Variants in SND1 observed in about 807,000 individuals in gnomAD.
SND1 encodes the protein staphylococcal nuclease domain-containing protein 1.
Under a neutral mutation model 121.7 loss-of-function variants are expected in SND1, and 38 were observed. The ratio of observed to expected loss-of-function variants is 0.31; its 90% CI spans 0.24 to 0.41. The LOEUF (loss-of-function observed/expected upper bound fraction) is 0.41, where lower values mean the gene tolerates loss of function less well. Ranked by LOEUF, SND1 falls within the 10% of genes least tolerant of loss-of-function variation. The pLI is 1.00. For missense variants in SND1, 868 were observed against 1,184.6 expected (o/e 0.73, Z 3.92); for synonymous variants, 401 against 447.4 (o/e 0.90, Z 1.31).
intron 10 of SND1, among the ~76,000 whole-genome samples, chr7:127,772,878 T>G (rs1797540709): frequency 6.6e-6 from 1 of 152,234 alleles, no homozygotes; most frequent in African/African-American, 2.4e-5. Flanking sequence ...TCTTCCTTTT[T>G]GATATAATAG....
chr7:127,690,422 A>C (rs1370782054), intron 2 of SND1, among the ~76,000 whole-genome samples: 2 of 152,174 alleles, frequency 1.3e-5, no homozygotes, highest in Admixed American at 1.3e-4. Flanking sequence ...CCCCTCCATC[A>C]GTAGTTCCTT....
chr7:128,030,617 A>C, intron 16 of SND1: 6 of 1,569,390 alleles, frequency 3.8e-6, no homozygotes, highest in African/African-American at 1.3e-5. Context: ...GGTGGTGCAC[A>C]GTTACCTGCC....
At chr7:127,785,444 T>C (rs1584570977) in intron 10 of SND1, among the ~76,000 whole-genome samples, 1 of 152,206 alleles carries the variant, frequency 6.6e-6, no homozygotes, top group Non-Finnish European at 1.5e-5. Context: ...AAAAATCTTA[T>C]ATGAGTTTAT....
At chr7:127,806,848 A>G (rs1432243225) in intron 10 of SND1, among the ~76,000 whole-genome samples, 1 of 152,162 alleles carries the variant, frequency 6.6e-6, no homozygotes, top group Non-Finnish European at 1.5e-5. Flanking sequence ...AATCCCAGCT[A>G]CTGTGGAGGC....
intron 21 of SND1, among the ~76,000 whole-genome samples, chr7:128,088,363 C>T (rs1185510668): frequency 1.3e-5 from 2 of 148,812 alleles, no homozygotes; most frequent in Admixed American, 6.7e-5. Flanking sequence ...CAGGAGACTG[C>T]GGTGAGAGGA....
At chr7:127,944,905 A>G (rs1279957426) in intron 15 of SND1, among the ~76,000 whole-genome samples, 2 of 152,228 alleles carry the variant, frequency 1.3e-5, no homozygotes, top group Non-Finnish European at 2.9e-5. Context: ...ATATATGCAT[A>G]TGCTGAAACC....
intron 10 of SND1, among the ~76,000 whole-genome samples, chr7:127,755,133 T>C (rs1270591145): frequency 6.6e-6 from 1 of 152,188 alleles, no homozygotes; most frequent in Non-Finnish European, 1.5e-5. Context: ...GAAGTGTATA[T>C]TATAACTGAT....
At chr7:128,031,338 G>C (rs1458924833) in intron 16 of SND1, among the ~76,000 whole-genome samples, 1 of 151,872 alleles carries the variant, frequency 6.6e-6, no homozygotes, top group Admixed American at 6.6e-5. Flanking sequence ...GCCGGAGGGA[G>C]TGCGGGGGCG....
chr7:127,661,622 G>A (rs578007287), intron 1 of SND1, among the ~76,000 whole-genome samples: 5 of 152,140 alleles, frequency 3.3e-5, no homozygotes, highest in Admixed American at 2.6e-4. Context: ...CAGGTCTTAC[G>A]AAGTCCTTAT....
At chr7:127,990,420 C>G (rs1802494021) in intron 15 of SND1, among the ~76,000 whole-genome samples, 1 of 152,068 alleles carries the variant, frequency 6.6e-6, no homozygotes, top group Non-Finnish European at 1.5e-5. Context: ...CCAGAATACA[C>G]CCAGAGTTGA....
chr7:128,025,470 C>CT (rs1803454505), intron 16 of SND1, among the ~76,000 whole-genome samples: 2 of 152,214 alleles, frequency 1.3e-5, no homozygotes, highest in South Asian at 4.1e-4. Flanking sequence ...TGAAAATTCT[C>CT]TAACTCCGTA....
intron 8 of SND1, 149 bp from the exon 9 acceptor site, chr7:127,707,406 ACT>A (rs1442308799): frequency 1.8e-6 from 1 of 565,992 alleles, no homozygotes; most frequent in East Asian, 2.8e-5. Flanking sequence ...GTTTTCATTT[ACT>A]CTCGCTCTTT....
intron 12 of SND1, among the ~76,000 whole-genome samples, chr7:127,845,842 G>A (rs1159128433): frequency 6.6e-6 from 1 of 152,166 alleles, no homozygotes; most frequent in Non-Finnish European, 1.5e-5. Context: ...TAAAAAATAA[G>A]TTTACACTGC....
chr7:127,892,494 A>G (rs1800026442), intron 13 of SND1, among the ~76,000 whole-genome samples: 1 of 152,052 alleles, frequency 6.6e-6, no homozygotes, highest in African/African-American at 2.4e-5. Flanking sequence ...GCTTCTGGGA[A>G]ACCCTCATAA....
chr7:127,761,501 G>A (rs1797305667), intron 10 of SND1, among the ~76,000 whole-genome samples: 1 of 152,166 alleles, frequency 6.6e-6, no homozygotes, highest in Non-Finnish European at 1.5e-5. Flanking sequence ...TGAATATGAT[G>A]AGTATAGAAG....
chr7:127,993,855 G>A (rs553342463), intron 16 of SND1, among the ~76,000 whole-genome samples: 2 of 152,258 alleles, frequency 1.3e-5, no homozygotes, highest in East Asian at 1.9e-4. Context: ...TGTGTGATCC[G>A]ACAGAGGCCT....
chr7:128,016,732 T>C (rs752489724), intron 16 of SND1, among the ~76,000 whole-genome samples: 6 of 152,244 alleles, frequency 3.9e-5, no homozygotes, highest in Non-Finnish European at 4.4e-5. Flanking sequence ...TTTCTTGTTC[T>C]TCCTAACTGC....
At chr7:127,909,078 T>C (rs1214486074) in intron 14 of SND1, among the ~76,000 whole-genome samples, 1 of 152,204 alleles carries the variant, frequency 6.6e-6, no homozygotes, top group Non-Finnish European at 1.5e-5. Context: ...ATAGTGTATA[T>C]CTGAGTTTTC....
chr7:127,695,684 G>C (rs1795993640), intron 3 of SND1, among the ~76,000 whole-genome samples: 1 of 152,122 alleles, frequency 6.6e-6, no homozygotes. Flanking sequence ...AAATTAGCCA[G>C]GCGTGGTGGC....
Sources: gnomAD v4.1 joint callset for allele counts (sites outside exome capture counted in the v4.1 genomes callset) on GRCh38, gnomAD v4.1.1 for gene constraint, MANE v1.5 for transcripts, NCBI Gene and HGNC (gene_info 2026-07-23, HGNC 2026-07-21) for gene names.